ZNF226: variants seen among roughly 807,000 people sequenced by gnomAD.
The protein encoded by ZNF226 is zinc finger protein 226, also known as Kruppel-associated box protein.
In ZNF226, 6 loss-of-function variants were observed where a neutral mutation model predicts 11.4. The ratio of observed to expected loss-of-function variants is 0.53; its 90% CI spans 0.29 to 1.04. The LOEUF is 1.04. Among genes scored for constraint, ZNF226 ranks in the 50% least tolerant of loss-of-function variants. ZNF226 has a pLI of 0.08. For missense variants in ZNF226, 1,058 were observed against 956.5 expected, an observed-to-expected ratio of 1.11 and a Z score of -1.40; for synonymous variants, 350 against 322.8, an observed-to-expected ratio of 1.08 and a Z score of -0.90.
chr19:44,188,586 G>T, the ZNF226 span, among the ~76,000 whole-genome samples: 1 of 152,140 alleles, frequency 6.6e-6, no homozygotes, highest in African/African-American at 2.4e-5. Flanking sequence ...TTTATGTAAG[G>T]GACTTGAGTA....
the ZNF226 span, among the ~76,000 whole-genome samples, chr19:44,195,899 G>A: frequency 6.6e-6 from 1 of 152,172 alleles, no homozygotes; most frequent in Non-Finnish European, 1.5e-5. Flanking sequence ...CTGCTTTATA[G>A]GTAATTCTGC....
intron 2 of ZNF226, 72 bp from the exon 3 acceptor site, chr19:44,169,962 AT>A: frequency 9.8e-7 from 1 of 1,018,818 alleles, no homozygotes; most frequent in East Asian, 2.6e-5. Flanking sequence ...ACCTTTGCTA[AT>A]TCCTAAAGAG....
the ZNF226 span, among the ~76,000 whole-genome samples, chr19:44,188,189 T>C: frequency 2.0e-5 from 3 of 152,294 alleles, no homozygotes; most frequent in Admixed American, 2.0e-4. Context: ...TGATCTTCTG[T>C]CTAGTTCTAT....
rs1970798879 is a variant in ZNF226 at position 44,177,437 on chromosome 19, AC to A, written c.2177del (p.Pro726HisfsTer77). On this transcript the variant is annotated frameshift_variant, in exon 6 of 6. Transcript: ENST00000337433. LOFTEE classifies it low-confidence loss of function (END_TRUNC). ...ATCAGAGTGTCCACACAGGAGAGAA[AC>A]CATACAAATGTGATGTGTGTGGTAA... ...LHQSVHTGEKPYKCDVCGKVF... is the reference protein window; with the variant it reads ...LHQSVHTGEKXYKCDVCGKVF... 1 of 1,613,936 alleles carries A rather than the reference AC, an allele frequency of 6.2e-7. No individual in the cohort carries two copies. Among genetic ancestry groups the A allele is most frequent in the East Asian group, 2.2e-5 (1 of 44,896 alleles).
At chr19:44,173,269 A>G (rs1464953218) in intron 5 of ZNF226, 1 of 427,248 alleles carries the variant, frequency 2.3e-6, no homozygotes, top group African/African-American at 2.0e-5. Context: ...ATCCCCCACT[A>G]CCTCTCTAAA....
chr19:44,168,094 T>C (rs956883756), intron 2 of ZNF226, among the ~76,000 whole-genome samples: 5 of 152,230 alleles, frequency 3.3e-5, no homozygotes, highest in African/African-American at 1.2e-4. Flanking sequence ...GCTATTTTTA[T>C]CAATGTAGGA....
At chr19:44,192,967 A>C in the ZNF226 span, among the ~76,000 whole-genome samples, 2 of 152,142 alleles carry the variant, frequency 1.3e-5, no homozygotes, top group African/African-American at 2.4e-5. Context: ...ATTAAACACA[A>C]ATTTTTTCCA....
In ZNF226 at chr19:44,172,972, G is replaced by T. The variant is rs538772917; in HGVS notation, c.235+20G>T. On this transcript the variant is annotated intron_variant, in intron 5 of 5. Transcript: ENST00000337433. ...ATTTAGGTAAAAACCAAACAGTTAT[G>T]AGTTCTTATAGTTAACTGTCCATCT... The T allele has an allele frequency of 6.4e-7, 1 of 1,567,600 alleles. No homozygotes were observed. The highest frequency in any genetic ancestry group is 1.4e-5 in the African/African-American group (1 of 74,008).
the ZNF226 span, among the ~76,000 whole-genome samples, chr19:44,193,410 G>C: frequency 3.3e-5 from 5 of 151,590 alleles, no homozygotes; most frequent in African/African-American, 1.2e-4. Flanking sequence ...TGAAAAAATG[G>C]GACAAGTTAA....
chr19:44,183,808 C>G, the ZNF226 span, among the ~76,000 whole-genome samples: 4 of 152,332 alleles, frequency 2.6e-5, no homozygotes, highest in African/African-American at 7.2e-5. Context: ...TAGAGAGCCA[C>G]CAAGCCAATA....
the ZNF226 span, among the ~76,000 whole-genome samples, chr19:44,187,390 T>C: frequency 6.6e-6 from 1 of 151,984 alleles, no homozygotes; most frequent in Non-Finnish European, 1.5e-5. This position sits in a 1 kb window ranked among gnomAD's most constrained non-coding sequence, Gnocchi z 4.0. Flanking sequence ...TTCTAGGTTA[T>C]CCAATCTGTT....
At chr19:44,186,211 A>T in the ZNF226 span, among the ~76,000 whole-genome samples, 1 of 152,002 alleles carries the variant, frequency 6.6e-6, no homozygotes, top group African/African-American at 2.4e-5. Context: ...TACAAATTTT[A>T]GAATTTTTTT....
chr19:44,187,712 C>G, the ZNF226 span, among the ~76,000 whole-genome samples: 2 of 151,972 alleles, frequency 1.3e-5, no homozygotes, highest in East Asian at 1.9e-4. This position sits in a 1 kb window ranked among gnomAD's most constrained non-coding sequence, Gnocchi z 4.0. Flanking sequence ...AAAGTATAAG[C>G]TTAGGTTGTT....
the ZNF226 span, among the ~76,000 whole-genome samples, chr19:44,186,242 T>G: frequency 3.3e-5 from 5 of 151,984 alleles, no homozygotes; most frequent in Non-Finnish European, 7.4e-5. Context: ...TGAAAAAAAG[T>G]CATTGGGATT....
chr19:44,192,799 CCT>C, the ZNF226 span, among the ~76,000 whole-genome samples: 1 of 152,126 alleles, frequency 6.6e-6, no homozygotes, highest in South Asian at 2.1e-4. Context: ...AATATCAAAA[CCT>C]CTTGCAGATT....
chr19:44,170,902 C>T (rs1419909410), intron 3 of ZNF226, among the ~76,000 whole-genome samples: 2 of 146,114 alleles, frequency 1.4e-5, no homozygotes, highest in African/African-American at 5.1e-5. Context: ...TAGAGCAAGA[C>T]TCTGTCTCAA....
Position 44,177,075 on chromosome 19 carries a change from C to G in ZNF226, c.1813C>G (p.His605Asp). 1 of 1,614,044 alleles carries G rather than the reference C, an allele frequency of 6.2e-7. No homozygotes were observed. The highest frequency in any genetic ancestry group is 8.5e-7 in the Non-Finnish European group (1 of 1,179,986). ...GFSRRADLKI[H>D]CRIHTGEKPY... ...TAGTCGTAGAGCAGATCTTAAAATT[C>G]ACTGTAGGATCCACACAGGAGAGAA... Residue 605 changes from histidine to aspartate, a missense_variant, in exon 6 of 6, where the codon CAC (histidine) becomes GAC (aspartate). His to Asp is a moderately conservative substitution (Grantham distance 81, BLOSUM62 -1). Transcript: ENST00000337433.
intron 2 of ZNF226, 36 bp downstream of exon 2, chr19:44,165,843 C>G (rs1007630593): frequency 8.5e-5 from 13 of 152,222 alleles, no homozygotes; most frequent in African/African-American, 2.9e-4. Flanking sequence ...GTTTTATTCA[C>G]ATAAATCAGA....
chr19:44,169,455 C>T (rs1969819660), intron 2 of ZNF226: 1 of 152,210 alleles, frequency 6.6e-6, no homozygotes, highest in East Asian at 1.9e-4. Context: ...GACACTTTCA[C>T]GTGACATAGC....
Sources: allele counts gnomAD v4.1 joint callset (sites outside exome capture counted in the v4.1 genomes callset), GRCh38; gene constraint gnomAD v4.1.1; non-coding constraint Gnocchi (gnomAD v3.1); transcripts MANE v1.5; gene names NCBI Gene and HGNC (gene_info 2026-07-23, HGNC 2026-07-21).